CUX1: variants seen among roughly 807,000 people sequenced by gnomAD.
CUX1 encodes protein CASP.
In CUX1, 31 loss-of-function variants were observed where a neutral mutation model predicts 158.8. The observed-to-expected ratio is 0.20, with a 90% CI of 0.15 to 0.26. The LOEUF is 0.26. Ranked by LOEUF, CUX1 falls within the 10% of genes least tolerant of loss-of-function variation. The probability of loss-of-function intolerance (pLI) is 1.00; values close to 1 mark genes in which losing one functional copy is unlikely to be tolerated. For synonymous variants in CUX1, 879 were observed against 862.1 expected, an observed-to-expected ratio of 1.02 and a Z score of -0.34; for missense variants, 1,589 against 2,014.6, an observed-to-expected ratio of 0.79 and a Z score of 4.04.
At chr7:102,037,790 C>T (rs1434151106) in intron 3 of CUX1, among the ~76,000 whole-genome samples, 5 of 152,000 alleles carry the variant, frequency 3.3e-5, no homozygotes, top group Non-Finnish European at 7.4e-5. Context: ...TGTGGTGGCT[C>T]ATGCCTGTAA....
At chr7:101,931,789 C>G (rs1219316805) in intron 2 of CUX1, among the ~76,000 whole-genome samples, 2 of 152,162 alleles carry the variant, frequency 1.3e-5, no homozygotes, top group Non-Finnish European at 2.9e-5. Flanking sequence ...GTCTCAAACT[C>G]CTGGGCTCAG....
chr7:102,207,007 G>T (rs940810987), intron 20 of CUX1, among the ~76,000 whole-genome samples: 4 of 152,206 alleles, frequency 2.6e-5, no homozygotes, highest in Non-Finnish European at 4.4e-5. Context: ...ACAAATCCTT[G>T]AAGAATGACG....
intron 20 of CUX1, among the ~76,000 whole-genome samples, chr7:102,221,092 C>T (rs1164349578): frequency 5.3e-5 from 8 of 152,308 alleles, no homozygotes; most frequent in Admixed American, 1.3e-4. Flanking sequence ...TCCTTCCACC[C>T]GCCCTTCCAT....
intron 4 of CUX1, among the ~76,000 whole-genome samples, chr7:102,076,638 A>T (rs1166089114): frequency 2.0e-5 from 3 of 152,218 alleles, no homozygotes; most frequent in Middle Eastern, 3.4e-3. Context: ...CCACACCCCC[A>T]GGGCATCAAG....
chr7:102,254,626 G>A lies in CUX1; in HGVS notation c.*5584G>A. ...AACCTAAGGATGGGGACAGCATCCT[G>A]TGCTTGGGCATTGACCAGCCAAAGC... is the stretch of plus-strand genomic sequence containing the variant. On this transcript the variant is annotated 3_prime_UTR_variant, in exon 24 of 24. Transcript: ENST00000292535. 1.0e-6 allele frequency: 1 copy of A among 985,474 alleles called. No homozygotes were observed. Among genetic ancestry groups the A allele is most frequent in the Non-Finnish European group, 1.2e-6 (1 of 829,960 alleles). 61.0% of individuals were successfully genotyped at this position (985,474 alleles called of 1,614,324 possible). A position where few individuals can be genotyped will look rare whatever the true frequency, so the allele number is the denominator to read the frequency against.
chr7:101,914,593 G>A (rs571187822), intron 1 of CUX1, among the ~76,000 whole-genome samples: 5 of 151,590 alleles, frequency 3.3e-5, no homozygotes, highest in South Asian at 4.2e-4. Context: ...CTGCCTCCCC[G>A]GTTCAAGCGA....
Position 101,977,768 on chromosome 7 carries a change from T to C in CUX1, c.142-50330T>C, listed in dbSNP as rs188291723. On this transcript the variant is annotated intron_variant, in intron 2 of 23. Coordinates refer to ENST00000292535, the MANE Select transcript of CUX1 (RefSeq NM_181552.4). ...CCTGGGTGACAGAGTGAGACTCTGC[T>C]CAAAAAATAATAATAATAAATAAAT... 1.3e-3 allele frequency among the ~76,000 whole-genome samples: 192 copies of C among 152,150 alleles called. 2 individuals are homozygous for C. Among genetic ancestry groups the C allele is most frequent in the Non-Finnish European group, 1.8e-3 (125 of 68,000 alleles).
At chr7:102,074,914 A>G (rs1826533953) in intron 4 of CUX1, among the ~76,000 whole-genome samples, 1 of 152,156 alleles carries the variant, frequency 6.6e-6, no homozygotes, top group Non-Finnish European at 1.5e-5. Context: ...GCTCAAGTGC[A>G]ATGGTGTGAT....
intron 2 of CUX1, among the ~76,000 whole-genome samples, chr7:101,989,487 C>T (rs1245322309): frequency 1.3e-5 from 2 of 152,186 alleles, no homozygotes; most frequent in Non-Finnish European, 2.9e-5. Context: ...CATGGAAGGT[C>T]CCGGAGCCCA....
At chr7:101,898,950 G>A (rs1255455459) in intron 1 of CUX1, among the ~76,000 whole-genome samples, 1 of 152,226 alleles carries the variant, frequency 6.6e-6, no homozygotes, top group African/African-American at 2.4e-5. Context: ...CGTGGAAGGC[G>A]TTGGTGCACA....
chr7:101,851,012 G>C (rs1796213748), intron 1 of CUX1, among the ~76,000 whole-genome samples: 1 of 152,122 alleles, frequency 6.6e-6, no homozygotes, highest in Non-Finnish European at 1.5e-5. Flanking sequence ...GGGTAGCTGG[G>C]GTGGGAGGAT....
chr7:102,220,846 G>A lies in CUX1; in HGVS notation c.3131-6521G>A, dbSNP rs566386579. 2.0e-5 allele frequency among the ~76,000 whole-genome samples: 3 copies of A among 152,152 alleles called. No homozygotes were observed. In the South Asian group the frequency reaches 6.3e-4, roughly 32 times the overall value. On this transcript the variant is annotated intron_variant, in intron 20 of 23. Transcript: ENST00000292535. ...TATTTTTTTGAGATGGAGTAGCTGG[G>A]ACTACAGACATATGCCACCACACCT...
intron 7 of CUX1, among the ~76,000 whole-genome samples, chr7:102,114,713 A>G (rs1402092176): frequency 6.6e-6 from 1 of 152,188 alleles, no homozygotes; most frequent in African/African-American, 2.4e-5. Context: ...CCCTGTCTCT[A>G]CAACAGTGTT....
At position 101,821,671 on chromosome 7, in the gene CUX1, C is replaced by CTTTTTTTTTTTTTTTTTTTTTTTTTTTT. The variant is rs58793343; in HGVS notation, c.30+4028_30+4029insTTTTTTTTTTTTTTTTTTTTTTTTTTTT. On this transcript the variant is annotated intron_variant, in intron 1 of 23. Coordinates refer to ENST00000292535, the MANE Select transcript of CUX1 (RefSeq NM_181552.4). ...CTTTTCTTTTCTTTTTTTCTTTTTT[C>CTTTTTTTTTTTTTTTTTTTTTTTTTTTT]TTTTTTTTTTTTTTTTTTTTTTTTT... Among the ~76,000 whole-genome samples the CTTTTTTTTTTTTTTTTTTTTTTTTTTTT allele has an allele frequency of 1.1e-3, 59 of 51,318 alleles. 10 individuals are homozygous for CTTTTTTTTTTTTTTTTTTTTTTTTTTTT. The highest frequency in any genetic ancestry group is 1.9e-3 in the East Asian group (3 of 1,540). 33.7% of individuals were successfully genotyped at this position (51,318 alleles called of 152,430 possible).
chr7:102,107,394 G>A (rs1393276796), intron 6 of CUX1, among the ~76,000 whole-genome samples: 1 of 151,982 alleles, frequency 6.6e-6, no homozygotes, highest in African/African-American at 2.4e-5. Context: ...TACAAAATAA[G>A]CCAGGCGTGG....
chr7:102,028,230 C>A (rs1820276441), intron 3 of CUX1, 85 bp downstream of exon 3: 2 of 1,433,986 alleles, frequency 1.4e-6, no homozygotes, highest in African/African-American at 1.4e-5. Flanking sequence ...ATGCTCCGGG[C>A]AAAAGGTGCT....
chr7:102,095,510 C>T lies in CUX1; in HGVS notation c.269-1854C>T, dbSNP rs546645699. Among the ~76,000 whole-genome samples the T allele has an allele frequency of 3.4e-4, 51 of 152,178 alleles. No individual in the cohort carries two copies. The South Asian group carries it at 9.5e-3, about 28-fold the overall frequency. On this transcript the variant is annotated intron_variant, in intron 4 of 23. Transcript: ENST00000292535. ...ACCCGGGATCTGCTGACGTTGAGCC[C>T]AACATATCCCAGCGCCTGCCTTTTG...
chr7:102,158,447 C>G, intron 8 of CUX1, 113 bp from the exon 9 acceptor site: 2 of 972,406 alleles, frequency 2.1e-6, no homozygotes, highest in Non-Finnish European at 3.2e-6. Flanking sequence ...ACAGCATTGA[C>G]TCACGGGTCT....
At chr7:101,867,562 C>T (rs1166580462) in intron 1 of CUX1, among the ~76,000 whole-genome samples, 5 of 152,224 alleles carry the variant, frequency 3.3e-5, no homozygotes, top group African/African-American at 7.2e-5. Flanking sequence ...TGTGCGGCCA[C>T]GCTTAATAAA....
Sources: gnomAD v4.1 joint callset for allele counts (sites outside exome capture counted in the v4.1 genomes callset) on GRCh38, gnomAD v4.1.1 for gene constraint, MANE v1.5 for transcripts, NCBI Gene and HGNC (gene_info 2026-07-23, HGNC 2026-07-21) for gene names.